FHIT: variants seen among roughly 807,000 people sequenced by gnomAD.
The protein encoded by FHIT is bis(5'-adenosyl)-triphosphatase.
Under a neutral mutation model 17.9 loss-of-function variants are expected in FHIT, and 19 were observed. The observed-to-expected ratio is 1.06, with a 90% CI of 0.74 to 1.56. The LOEUF (loss-of-function observed/expected upper bound fraction) is 1.56, where lower values mean the gene tolerates loss of function less well. Among genes scored for constraint, FHIT ranks in the 40% most tolerant of loss-of-function variants. FHIT has a pLI of 0.00. For synonymous variants in FHIT, 81 were observed against 69.7 expected (o/e 1.16, Z -0.81); for missense variants, 248 against 189.2 (o/e 1.31, Z -1.82).
chr3:60,057,720 T>C (rs1376089163), intron 5 of FHIT, among the ~76,000 whole-genome samples: 2 of 151,508 alleles, frequency 1.3e-5, no homozygotes, highest in Non-Finnish European at 2.9e-5. Context: ...ATTGGCAAAC[T>C]GAAACTCACC....
At chr3:60,150,632 T>C (rs966120755) in intron 5 of FHIT, among the ~76,000 whole-genome samples, 5 of 152,156 alleles carry the variant, frequency 3.3e-5, no homozygotes, top group African/African-American at 1.2e-4. Flanking sequence ...GAAAAGAATG[T>C]AATGGCTGGG....
At chr3:60,561,966 A>G (rs998123164) in intron 4 of FHIT, among the ~76,000 whole-genome samples, 13 of 145,976 alleles carry the variant, frequency 8.9e-5, no homozygotes, top group Admixed American at 7.1e-5. Context: ...GAGAGAGAGA[A>G]AGATAATTCT....
At chr3:60,319,043 G>C (rs1447600743) in intron 5 of FHIT, among the ~76,000 whole-genome samples, 1 of 152,012 alleles carries the variant, frequency 6.6e-6, no homozygotes, top group Admixed American at 6.6e-5. Context: ...TTCTTACAAA[G>C]ACACTATGAC....
At chr3:60,977,544 G>A (rs530142599) in intron 3 of FHIT, among the ~76,000 whole-genome samples, 1 of 152,248 alleles carries the variant, frequency 6.6e-6, no homozygotes, top group South Asian at 2.1e-4. Context: ...AGAAAAGTGT[G>A]TGCTGAGCAG....
intron 5 of FHIT, among the ~76,000 whole-genome samples, chr3:60,366,922 C>G (rs1331386743): frequency 6.6e-6 from 1 of 152,174 alleles, no homozygotes; most frequent in African/African-American, 2.4e-5. Context: ...ATTTTGTCAA[C>G]TTATATAGGT....
chr3:59,976,860 C>T (rs1395711341), intron 7 of FHIT, among the ~76,000 whole-genome samples: 1 of 152,012 alleles, frequency 6.6e-6, no homozygotes, highest in Non-Finnish European at 1.5e-5. Flanking sequence ...CCTCAGAGGT[C>T]AGAGAACTCA....
chr3:60,772,114 G>A (rs1442961252), intron 4 of FHIT, among the ~76,000 whole-genome samples: 2 of 151,726 alleles, frequency 1.3e-5, no homozygotes, highest in Non-Finnish European at 2.9e-5. Context: ...TCTAGACTCT[G>A]CCATGACTAT....
intron 1 of FHIT, among the ~76,000 whole-genome samples, chr3:61,205,829 C>T (rs2039210404): frequency 6.6e-6 from 1 of 151,190 alleles, no homozygotes; most frequent in Non-Finnish European, 1.5e-5. Context: ...TTAATTAGAT[C>T]CCATTTGTCA....
chr3:60,434,197 T>C (rs913256515), intron 5 of FHIT, among the ~76,000 whole-genome samples: 9 of 152,146 alleles, frequency 5.9e-5, no homozygotes, highest in African/African-American at 2.2e-4. Context: ...TCTCAAAATT[T>C]GCATTTCCCT....
In FHIT at chr3:60,149,972, G is replaced by A. The variant is rs1260034421; in HGVS notation, c.104-135820C>T. 2.0e-5 allele frequency among the ~76,000 whole-genome samples: 3 copies of A among 146,696 alleles called. No individual in the cohort carries two copies. In the East Asian group the frequency reaches 6.1e-4, roughly 30 times the overall value. ...CACCACTGGTTAGGCTGGATAAAAGGCAAACCTTTAAGCCTTTTTTTTTTT... is the reference window on the plus strand; with the variant it reads ...CACCACTGGTTAGGCTGGATAAAAGACAAACCTTTAAGCCTTTTTTTTTTT... On this transcript the variant is annotated intron_variant, in intron 5 of 9. Coordinates refer to ENST00000492590, the MANE Select transcript of FHIT (RefSeq NM_002012.4).
chr3:60,674,572 T>C (rs1403128573), intron 4 of FHIT, among the ~76,000 whole-genome samples: 1 of 152,224 alleles, frequency 6.6e-6, no homozygotes, highest in Non-Finnish European at 1.5e-5. Flanking sequence ...AAATATTCTC[T>C]TGAACCTTTC....
chr3:60,657,912 A>AT (rs1291055065), intron 4 of FHIT, among the ~76,000 whole-genome samples: 5 of 151,958 alleles, frequency 3.3e-5, no homozygotes, highest in African/African-American at 4.8e-5. Context: ...CGTTATTATT[A>AT]TTTTTTTCCA....
intron 2 of FHIT, among the ~76,000 whole-genome samples, chr3:61,086,901 C>T (rs1158176130): frequency 6.6e-6 from 1 of 152,150 alleles, no homozygotes; most frequent in Non-Finnish European, 1.5e-5. Context: ...GTGATACAGA[C>T]ATAGCCTTTC....
rs1553692328 is a variant in FHIT at position 60,129,049 on chromosome 3, G to GTTTTTTTTTTT, written c.104-114898_104-114897insAAAAAAAAAAA. ...TTTCCCTTTTCTTCTTTCCTTTTTT[G>GTTTTTTTTTTT]TTTGTTTTTTTTTTTTTTTTTGAAA... On this transcript the variant is annotated intron_variant, in intron 5 of 9. Coordinates refer to ENST00000492590, the MANE Select transcript of FHIT (RefSeq NM_002012.4). Among the ~76,000 whole-genome samples, 4 of 121,042 alleles carry GTTTTTTTTTTT rather than the reference G, an allele frequency of 3.3e-5. 1 individual carries two copies. Among genetic ancestry groups the GTTTTTTTTTTT allele is most frequent in the Non-Finnish European group, 4.9e-5 (3 of 61,742 alleles). 79.4% of individuals were successfully genotyped at this position (121,042 alleles called of 152,430 possible).
At chr3:59,920,969 G>T (rs1243976227) in intron 8 of FHIT, among the ~76,000 whole-genome samples, 1 of 152,150 alleles carries the variant, frequency 6.6e-6, no homozygotes, top group Non-Finnish European at 1.5e-5. Context: ...TGATTCCTGA[G>T]TGCTGTGCAA....
At chr3:60,460,418 A>G (rs2107407545) in intron 5 of FHIT, among the ~76,000 whole-genome samples, 1 of 152,266 alleles carries the variant, frequency 6.6e-6, no homozygotes, top group Admixed American at 6.5e-5. Context: ...TATTGGTTAA[A>G]AAAAAAAGAA....
At chr3:60,744,263 C>CA (rs1201886354) in intron 4 of FHIT, among the ~76,000 whole-genome samples, 5 of 85,982 alleles carry the variant, frequency 5.8e-5, no homozygotes, top group African/African-American at 9.4e-5. Flanking sequence ...AAAAACAAAA[C>CA]AAAACAAAAA....
intron 5 of FHIT, among the ~76,000 whole-genome samples, chr3:60,067,863 G>T (rs1203375687): frequency 6.6e-6 from 1 of 152,142 alleles, no homozygotes; most frequent in African/African-American, 2.4e-5. Flanking sequence ...AGTTTGAAGG[G>T]CAATAACTAA....
chr3:59,834,453 C>T (rs192558126), intron 8 of FHIT, among the ~76,000 whole-genome samples: 64 of 152,126 alleles, frequency 4.2e-4, no homozygotes, highest in Non-Finnish European at 6.3e-4. Flanking sequence ...ACACTTTGGG[C>T]GACTATCAAA....
Sources: gnomAD v4.1 joint callset for allele counts (sites outside exome capture counted in the v4.1 genomes callset) on GRCh38, gnomAD v4.1.1 for gene constraint, MANE v1.5 for transcripts, NCBI Gene and HGNC (gene_info 2026-07-23, HGNC 2026-07-21) for gene names.